Variants in BCAM observed in about 807,000 individuals in gnomAD.
BCAM encodes the protein basal cell adhesion molecule (Lutheran blood group), also known as basal cell adhesion molecule.
Under a neutral mutation model 72.4 loss-of-function variants are expected in BCAM, and 61 were observed. The observed-to-expected ratio is 0.84, with a 90% CI of 0.69 to 1.04. The LOEUF is 1.04. Ranked by LOEUF, BCAM falls within the 50% of genes least tolerant of loss-of-function variation. The pLI, the probability that BCAM is intolerant of heterozygous loss-of-function variation, is 0.00. For synonymous variants in BCAM, 408 were observed against 384.2 expected, an observed-to-expected ratio of 1.06 and a Z score of -0.73; for missense variants, 909 against 895.0, an observed-to-expected ratio of 1.02 and a Z score of -0.20.
In BCAM at chr19:44,812,933, G is replaced by A. The variant is rs1306060384; in HGVS notation, c.505-317G>A. 1.1e-5 allele frequency: 4 copies of A among 379,632 alleles called. No individual in the cohort carries two copies. In the East Asian group the frequency reaches 1.6e-4, roughly 15 times the overall value. The allele number at this position is 379,632 out of a possible 1,614,324, so 23.5% of individuals were successfully genotyped here. On this transcript the variant is annotated intron_variant, in intron 4 of 14. Coordinates refer to ENST00000270233, the MANE Select transcript of BCAM (RefSeq NM_005581.5). The surrounding 1 kb of genome is among the most constrained non-coding windows in gnomAD (Gnocchi z 5.3). ...CCACTGCACTCCAGCCTGGGCCACA[G>A]AGCAATACTCCGTCTCAAAAAAAAA...
chr19:44,812,992 A>G lies in BCAM; in HGVS notation c.505-258A>G, dbSNP rs2122552963. ...GAAGAAGAAAAGAAAAAAGAAAGGAAGGGCAGAGGGGGAAGACTCCTGTGT... is the reference window on the plus strand; with the variant it reads ...GAAGAAGAAAAGAAAAAAGAAAGGAGGGGCAGAGGGGGAAGACTCCTGTGT... On this transcript the variant is annotated intron_variant, in intron 4 of 14. Coordinates refer to ENST00000270233, the MANE Select transcript of BCAM (RefSeq NM_005581.5). The surrounding 1 kb of genome is among the most constrained non-coding windows in gnomAD (Gnocchi z 5.3). 4.1e-6 allele frequency: 2 copies of G among 490,276 alleles called. No individual in the cohort carries two copies. Among genetic ancestry groups the G allele is most frequent in the Admixed American group, 7.7e-5 (2 of 25,850 alleles). The allele number at this position is 490,276 out of a possible 1,614,324, so 30.4% of individuals were successfully genotyped here.
At position 44,814,256 on chromosome 19, in the gene BCAM, C is replaced by A. The variant is rs201402292; in HGVS notation, c.889C>A (p.Pro297Thr). The A allele has an allele frequency of 6.3e-7, 1 of 1,592,732 alleles. No homozygotes were observed. Among genetic ancestry groups the A allele is most frequent in the South Asian group, 1.1e-5 (1 of 88,562 alleles). Residue 297 changes from proline (P) to threonine (T), a missense_variant, in exon 7 of 15, where the codon CCC becomes ACC. By Grantham distance (38) the Pro-to-Thr change is conservative. Coordinates refer to ENST00000270233, the MANE Select transcript of BCAM (RefSeq NM_005581.5). The surrounding 1 kb of genome is among the most constrained non-coding windows in gnomAD (Gnocchi z 4.6). ...VQLLCRGDGSPSPEYTLFRLQ... is the reference protein window; with the variant it reads ...VQLLCRGDGSTSPEYTLFRLQ... ...GCTGCTCTGCCGGGGGGACGGCAGC[C>A]CCAGCCCGGAGTATACGCTTTTCCG...
chr19:44,812,664 G>A lies in BCAM; in HGVS notation c.504+116G>A. ...ACCCCTGGGTAATAAAGGAGGAGGG[G>A]TAAGGCCAGGCGAGGTGGCTCATGC... On this transcript the variant is annotated intron_variant, in intron 4 of 14. Coordinates refer to ENST00000270233, the MANE Select transcript of BCAM (RefSeq NM_005581.5). The surrounding 1 kb of genome is among the most constrained non-coding windows in gnomAD (Gnocchi z 5.3). 3.2e-6 allele frequency: 4 copies of A among 1,248,924 alleles called. No homozygotes were observed. The highest frequency in any genetic ancestry group is 3.3e-6 in the Non-Finnish European group (3 of 899,584). 77.4% of individuals were successfully genotyped at this position (1,248,924 alleles called of 1,614,324 possible).
In BCAM at chr19:44,818,497, A is replaced by T. The variant is rs1968530299; in HGVS notation, c.1079-25A>T. 2.5e-6 allele frequency: 4 copies of T among 1,602,614 alleles called. No homozygotes were observed. The highest frequency in any genetic ancestry group is 3.4e-6 in the Non-Finnish European group (4 of 1,171,036). ...ATTGAGTGGGTGGCGGTCTGGGACG[A>T]GTGACAGACTGTCCCCCACTGCAGA... On this transcript the variant is annotated intron_variant, in intron 8 of 14. Transcript: ENST00000270233. The surrounding 1 kb of genome is among the most constrained non-coding windows in gnomAD (Gnocchi z 4.6).
chr19:44,809,074 C>T (rs565853183), upstream of BCAM: 22 of 1,298,608 alleles, frequency 1.7e-5, no homozygotes, highest in South Asian at 1.3e-4. Flanking sequence ...GCTCCCAGCC[C>T]CGCAGCGGCC....
chr19:44,815,770 T>C (rs1968496309), intron 8 of BCAM, among the ~76,000 whole-genome samples: 1 of 152,076 alleles, frequency 6.6e-6, no homozygotes, highest in Non-Finnish European at 1.5e-5. Flanking sequence ...TTTGAGAGGC[T>C]GAGGCAGGAG....
Position 44,818,534 on chromosome 19 carries a change from TG to T in BCAM, c.1093del (p.Glu365SerfsTer12). ...LELRVAYLDP[L>X]ELSEGKVLSL... ...TCCCCCACTGCAGATCTGGACCCCC[TG>T]GAGCTCAGCGAGGGGAAGGTGCTTT... On this transcript the variant is annotated frameshift_variant, in exon 9 of 15. Coordinates refer to ENST00000270233, the MANE Select transcript of BCAM (RefSeq NM_005581.5). LOFTEE classifies it high-confidence loss of function. This position sits in a 1 kb window ranked among gnomAD's most constrained non-coding sequence, Gnocchi z 4.6. 1 of 1,613,914 alleles carries T rather than the reference TG, an allele frequency of 6.2e-7. No homozygotes were observed. Among genetic ancestry groups the T allele is most frequent in the Non-Finnish European group, 8.5e-7 (1 of 1,179,928 alleles).
chr19:44,814,347 G>T lies in BCAM; in HGVS notation c.921+59G>T. The T allele has an allele frequency of 6.5e-7, 1 of 1,544,794 alleles. No individual in the cohort carries two copies. Reference sequence around the variant, plus strand: ...CCCCAGCCCCTGACCTCTGTGACCTGCTAACCTGCATAACTTCTAATGTGG... The same window carrying T: ...CCCCAGCCCCTGACCTCTGTGACCTTCTAACCTGCATAACTTCTAATGTGG... On this transcript the variant is annotated intron_variant, in intron 7 of 14. Transcript: ENST00000270233. This position sits in a 1 kb window ranked among gnomAD's most constrained non-coding sequence, Gnocchi z 4.6.
chr19:44,811,438 C>T, intron 2 of BCAM, 92 bp downstream of exon 2: 2 of 1,568,008 alleles, frequency 1.3e-6, no homozygotes, highest in East Asian at 2.3e-5. Flanking sequence ...TGTAGAGATC[C>T]ACCAAGCCAC....
Position 44,812,328 on chromosome 19 carries a change from G to C in BCAM, c.370G>C (p.Val124Leu). The change falls in exon 3 of 15, where the codon GTG (valine) becomes CTG (leucine). Residue 124 changes from valine to leucine, a missense_variant. Coordinates refer to ENST00000270233, the MANE Select transcript of BCAM (RefSeq NM_005581.5). The surrounding 1 kb of genome is among the most constrained non-coding windows in gnomAD (Gnocchi z 5.3). ...CCAGGTGGGCGACGAGCGAGACTAC[G>C]TGTGCGTGGTGAGGGCAGGGGCGGC... is the stretch of plus-strand genomic sequence containing the variant. ...EAQVGDERDY[V>L]CVVRAGAAGT... The C allele has an allele frequency of 1.2e-6, 2 of 1,613,288 alleles. No homozygotes were observed. The highest frequency in any genetic ancestry group is 1.7e-5 in the Admixed American group (1 of 59,942).
chr19:44,818,516 C>A lies in BCAM; in HGVS notation c.1079-6C>A. On this transcript the variant is annotated splice_region_variant and splice_polypyrimidine_tract_variant and intron_variant, in intron 8 of 14. Coordinates refer to ENST00000270233, the MANE Select transcript of BCAM (RefSeq NM_005581.5). This position sits in a 1 kb window ranked among gnomAD's most constrained non-coding sequence, Gnocchi z 4.6. ...GGGACGAGTGACAGACTGTCCCCCACTGCAGATCTGGACCCCCTGGAGCTC... is the reference window on the plus strand; with the variant it reads ...GGGACGAGTGACAGACTGTCCCCCAATGCAGATCTGGACCCCCTGGAGCTC... The A allele has an allele frequency of 2.5e-6, 4 of 1,612,802 alleles. No individual in the cohort carries two copies. Among genetic ancestry groups the A allele is most frequent in the Non-Finnish European group, 3.4e-6 (4 of 1,179,126 alleles).
Position 44,820,745 on chromosome 19 carries a change from C to A in BCAM, c.1804C>A (p.Gln602Lys). 1 of 1,462,616 alleles carries A rather than the reference C, an allele frequency of 6.8e-7. No homozygotes were observed. Among genetic ancestry groups the A allele is most frequent in the East Asian group, 2.6e-5 (1 of 38,032 alleles). 90.6% of individuals were successfully genotyped at this position (1,462,616 alleles called of 1,614,324 possible). A position where few individuals can be genotyped will look rare whatever the true frequency, so the allele number is the denominator to read the frequency against. ...EPGLSHSGSE[Q>K]PEQTGLLMGG... is the part of the protein sequence containing the mutation. Reference sequence around the variant, plus strand: ...AGGGCTGAGCCACTCGGGGTCGGAGCAACCAGAGCAGACCGGCCTTCTCAT... The same window carrying A: ...AGGGCTGAGCCACTCGGGGTCGGAGAAACCAGAGCAGACCGGCCTTCTCAT... The change falls in exon 14 of 15, where the codon CAA becomes AAA. Residue 602 changes from glutamine (Q) to lysine (K), a missense_variant. Transcript: ENST00000270233.
In BCAM at chr19:44,818,370, A is replaced by G; in HGVS notation, c.1079-152A>G. 1.6e-6 allele frequency: 1 copy of G among 630,096 alleles called. No homozygotes were observed. Among genetic ancestry groups the G allele is most frequent in the Non-Finnish European group, 2.8e-6 (1 of 356,674 alleles). 39.0% of individuals were successfully genotyped at this position (630,096 alleles called of 1,614,324 possible). A position where few individuals can be genotyped will look rare whatever the true frequency, so the allele number is the denominator to read the frequency against. ...TTGGAGAGCCTGGATGGGAGAATGG[A>G]GATTTCATGGAGATGGGGTAAACCA... On this transcript the variant is annotated intron_variant, in intron 8 of 14. Coordinates refer to ENST00000270233, the MANE Select transcript of BCAM (RefSeq NM_005581.5). The surrounding 1 kb of genome is among the most constrained non-coding windows in gnomAD (Gnocchi z 4.6).
rs1461017493 is a variant in BCAM, at chr19:44,820,961, G to T, written c.*40G>T. On this transcript the variant is annotated 3_prime_UTR_variant, in exon 15 of 15. Coordinates refer to ENST00000270233, the MANE Select transcript of BCAM (RefSeq NM_005581.5). ...AGAGGCTGTCCCTGGACCTGGAGCTGCAGGCATCAGAGAACCAGCCCTGCT... is the reference window on the plus strand; with the variant it reads ...AGAGGCTGTCCCTGGACCTGGAGCTTCAGGCATCAGAGAACCAGCCCTGCT... 4 of 1,535,784 alleles carry T rather than the reference G, an allele frequency of 2.6e-6. No homozygotes were observed. Among genetic ancestry groups the T allele is most frequent in the South Asian group, 2.4e-5 (2 of 81,710 alleles).
At position 44,814,338 on chromosome 19, in the gene BCAM, C is replaced by T. The variant is rs1037986724; in HGVS notation, c.921+50C>T. The stretch of plus-strand genomic sequence containing the variant: ...GGATCCACCCCCCAGCCCCTGACCT[C>T]TGTGACCTGCTAACCTGCATAACTT... On this transcript the variant is annotated intron_variant, in intron 7 of 14. Transcript: ENST00000270233. This position sits in a 1 kb window ranked among gnomAD's most constrained non-coding sequence, Gnocchi z 4.6. The T allele has an allele frequency of 6.4e-7, 1 of 1,553,548 alleles. No individual in the cohort carries two copies. Among genetic ancestry groups the T allele is most frequent in the Admixed American group, 2.2e-5 (1 of 45,944 alleles).
chr19:44,809,631 G>C (rs1199155738), intron 1 of BCAM, among the ~76,000 whole-genome samples: 2 of 152,124 alleles, frequency 1.3e-5, no homozygotes. Context: ...AGTTTTGAGA[G>C]GTCCAGGGAC....
rs1346525909 is a variant in BCAM at position 44,813,686 on chromosome 19, C to T, written c.784+66C>T. The T allele has an allele frequency of 6.4e-7, 1 of 1,553,266 alleles. No homozygotes were observed. The highest frequency in any genetic ancestry group is 1.4e-5 in the African/African-American group (1 of 73,668). On this transcript the variant is annotated intron_variant, in intron 6 of 14. Transcript: ENST00000270233. This position sits in a 1 kb window ranked among gnomAD's most constrained non-coding sequence, Gnocchi z 4.2. ...ACACCTCATGAGGCCTGACCCTCCA[C>T]CCGGGGGCTTCACACTCCCCTCTGA...
chr19:44,817,110 G>A (rs889480091), intron 8 of BCAM, among the ~76,000 whole-genome samples: 3 of 151,948 alleles, frequency 2.0e-5, no homozygotes, highest in Non-Finnish European at 2.9e-5. Context: ...GGTGGCAGGT[G>A]CCTGTAGTCC....
At position 44,814,020 on chromosome 19, in the gene BCAM, G is replaced by T. The variant is rs28399615; in HGVS notation, c.785-132G>T. On this transcript the variant is annotated intron_variant, in intron 6 of 14. Coordinates refer to ENST00000270233, the MANE Select transcript of BCAM (RefSeq NM_005581.5). This position sits in a 1 kb window ranked among gnomAD's most constrained non-coding sequence, Gnocchi z 4.6. ...CACTCAGAATAATTGTGAACCTGAG[G>T]CTTGAAACCTATGACCCGTAACCTT... 173 of 1,181,052 alleles carry T rather than the reference G, an allele frequency of 1.5e-4. No individual in the cohort carries two copies. The African/African-American group carries it at 2.4e-3, about 16-fold the overall frequency. 73.2% of individuals were successfully genotyped at this position (1,181,052 alleles called of 1,614,324 possible).
Sources: gnomAD v4.1 joint callset for allele counts (sites outside exome capture counted in the v4.1 genomes callset) on GRCh38, gnomAD v4.1.1 for gene constraint, Gnocchi (gnomAD v3.1) non-coding constraint, MANE v1.5 for transcripts, NCBI Gene and HGNC (gene_info 2026-07-23, HGNC 2026-07-21) for gene names.